Variants in SEZ6L observed in about 807,000 individuals in gnomAD.
SEZ6L encodes the protein seizure 6-like protein.
A neutral mutation model predicts 106.2 loss-of-function variants in SEZ6L; 37 were observed. The observed-to-expected ratio is 0.35, with a 90% CI of 0.27 to 0.46. The LOEUF is 0.46. Among genes scored for constraint, SEZ6L ranks in the 20% least tolerant of loss-of-function variants. The probability of loss-of-function intolerance (pLI) is 1.00; values close to 1 mark genes in which losing one functional copy is unlikely to be tolerated. For synonymous variants in SEZ6L, 541 were observed against 570.4 expected (o/e 0.95, Z 0.73); for missense variants, 1,172 against 1,332.8 (o/e 0.88, Z 1.88).
In SEZ6L at chr22:26,201,382, CAAAAAAAAAA is replaced by C. The variant is rs71192905; in HGVS notation, c.94+31632_94+31641del. Among the ~76,000 whole-genome samples, 81 of 75,314 alleles carry C rather than the reference CAAAAAAAAAA, an allele frequency of 1.1e-3. 1 individual carries two copies. The highest frequency in any genetic ancestry group is 3.7e-3 in the African/African-American group (65 of 17,644). 49.4% of individuals were successfully genotyped at this position (75,314 alleles called of 152,430 possible). ...CTAAAAATACAAAAATACAAAAATA[CAAAAAAAAAA>C]AAAAAAAAAAAAGAGGAAATTTGCC... is the stretch of plus-strand genomic sequence containing the variant. On this transcript the variant is annotated intron_variant, in intron 1 of 16. Transcript: ENST00000248933.
chr22:26,267,605 A>G (rs1292296968), intron 1 of SEZ6L, among the ~76,000 whole-genome samples: 10 of 152,174 alleles, frequency 6.6e-5, no homozygotes, highest in Non-Finnish European at 1.3e-4. Context: ...AGCTAAACAC[A>G]TTTTCTGTTT....
chr22:26,349,804 T>C (rs1205645782), intron 11 of SEZ6L, among the ~76,000 whole-genome samples: 1 of 152,234 alleles, frequency 6.6e-6, no homozygotes, highest in Non-Finnish European at 1.5e-5. Flanking sequence ...CTTACAAACT[T>C]CCTGCATCTG....
At chr22:26,232,231 C>A (rs938436928) in intron 1 of SEZ6L, among the ~76,000 whole-genome samples, 1 of 152,000 alleles carries the variant, frequency 6.6e-6, no homozygotes, top group Non-Finnish European at 1.5e-5. Flanking sequence ...CAGGAAAAGT[C>A]CTTACCCGAA....
At position 26,169,746 on chromosome 22, in the gene SEZ6L, C is replaced by T; in HGVS notation, c.77C>T (p.Ala26Val). ...CTCGCTCTGCTCCTGGGGAGCCCGG[C>T]GGCAGCGCTGGAGCGAGGTAAGCGC... ...LFLALLLGSP[A>V]AALERDALPE... Residue 26 changes from alanine to valine, a missense_variant, in exon 1 of 17, where the codon GCG becomes GTG. Coordinates refer to ENST00000248933, the MANE Select transcript of SEZ6L (RefSeq NM_021115.5). 7.9e-7 allele frequency: 1 copy of T among 1,259,984 alleles called. No homozygotes were observed. The highest frequency in any genetic ancestry group is 1.5e-5 in the African/African-American group (1 of 64,584). The allele number at this position is 1,259,984 out of a possible 1,614,324, so 78.1% of individuals were successfully genotyped here.
At chr22:26,334,100 C>CT (rs893851587) in intron 9 of SEZ6L, among the ~76,000 whole-genome samples, 6 of 151,860 alleles carry the variant, frequency 4.0e-5, no homozygotes. Flanking sequence ...TAAGATGTTT[C>CT]TTTTTTTTAA....
intron 12 of SEZ6L, among the ~76,000 whole-genome samples, chr22:26,361,438 C>T (rs1278710371): frequency 6.7e-6 from 1 of 149,264 alleles, no homozygotes; most frequent in Non-Finnish European, 1.5e-5. Flanking sequence ...ACCCAGGAGG[C>T]TGAGGTTGCA....
chr22:26,237,018 T>C lies in SEZ6L; in HGVS notation c.95-55388T>C, dbSNP rs990812077. Among the ~76,000 whole-genome samples, 5 of 152,110 alleles carry C rather than the reference T, an allele frequency of 3.3e-5. No homozygotes were observed. The East Asian group carries it at 9.6e-4, about 29-fold the overall frequency. ...CACTCCCAGAAGCTGCCACTGACCATCCAGGCTGGGCTAGCTGCCAGGGAG... is the reference window on the plus strand; with the variant it reads ...CACTCCCAGAAGCTGCCACTGACCACCCAGGCTGGGCTAGCTGCCAGGGAG... On this transcript the variant is annotated intron_variant, in intron 1 of 16. Coordinates refer to ENST00000248933, the MANE Select transcript of SEZ6L (RefSeq NM_021115.5).
At chr22:26,245,385 C>G (rs1435682471) in intron 1 of SEZ6L, among the ~76,000 whole-genome samples, 1 of 152,074 alleles carries the variant, frequency 6.6e-6, no homozygotes, top group Non-Finnish European at 1.5e-5. Flanking sequence ...GGTGCAGGCT[C>G]CCAGGCAGCC....
chr22:26,216,026 G>T lies in SEZ6L; in HGVS notation c.94+46263G>T, dbSNP rs148716693. Among the ~76,000 whole-genome samples the T allele has an allele frequency of 3.2e-3, 483 of 152,304 alleles. 12 individuals carry two copies. In the South Asian group the frequency reaches 0.061, roughly 19 times the overall value. On this transcript the variant is annotated intron_variant, in intron 1 of 16. Coordinates refer to ENST00000248933, the MANE Select transcript of SEZ6L (RefSeq NM_021115.5). ...GCACTAGGTGAAGCCACGGAAATTG[G>T]ATTTGAGTGATTCCCATCTTCCTCT... is the stretch of plus-strand genomic sequence containing the variant.
chr22:26,185,616 GGATGATTC>G (rs1246426383), intron 1 of SEZ6L, among the ~76,000 whole-genome samples: 2 of 152,122 alleles, frequency 1.3e-5, no homozygotes, highest in Admixed American at 1.3e-4. Context: ...AACTTCACCT[GGATGATTC>G]GACCCCCAAG....
At chr22:26,314,809 CT>C (rs932852691) in intron 9 of SEZ6L, among the ~76,000 whole-genome samples, 5 of 152,180 alleles carry the variant, frequency 3.3e-5, no homozygotes, top group East Asian at 1.9e-4. Context: ...AGAACCCCCC[CT>C]GGGAGGTCAT....
intron 11 of SEZ6L, among the ~76,000 whole-genome samples, chr22:26,348,311 T>C (rs1267341647): frequency 2.6e-5 from 4 of 151,778 alleles, no homozygotes; most frequent in Admixed American, 1.3e-4. Context: ...GCCTGGGCAA[T>C]ACAGTGAGAC....
Position 26,268,872 on chromosome 22 carries a change from CT to C in SEZ6L, c.95-23533del, listed in dbSNP as rs373567905. ...GAAAATTTCAGAAAGCAAGATGTGT[CT>C]GAAGAAGGGTTAGGGAATAAATACT... On this transcript the variant is annotated intron_variant, in intron 1 of 16. Transcript: ENST00000248933. Among the ~76,000 whole-genome samples, 861 of 152,276 alleles carry C rather than the reference CT, an allele frequency of 5.7e-3. 3 individuals carry two copies. Among genetic ancestry groups the C allele is most frequent in the South Asian group, 8.7e-3 (42 of 4,818 alleles).
intron 1 of SEZ6L, among the ~76,000 whole-genome samples, chr22:26,275,652 T>C (rs893857166): frequency 1.3e-5 from 2 of 152,310 alleles, no homozygotes; most frequent in African/African-American, 4.8e-5. Flanking sequence ...AGGCCTCAGT[T>C]TGCCCATCTG....
At chr22:26,210,813 T>G (rs562835876) in intron 1 of SEZ6L, among the ~76,000 whole-genome samples, 21 of 152,170 alleles carry the variant, frequency 1.4e-4, no homozygotes, top group Non-Finnish European at 2.7e-4. Context: ...GGAAATATTT[T>G]GTAACACTTT....
At chr22:26,222,923 C>G (rs1312157173) in intron 1 of SEZ6L, among the ~76,000 whole-genome samples, 1 of 151,678 alleles carries the variant, frequency 6.6e-6, no homozygotes, top group African/African-American at 2.4e-5. Flanking sequence ...TTGCTACCGG[C>G]ATCTACTGTG....
intron 9 of SEZ6L, among the ~76,000 whole-genome samples, chr22:26,339,644 A>G (rs745869740): frequency 6.6e-6 from 1 of 152,234 alleles, no homozygotes; most frequent in African/African-American, 2.4e-5. Flanking sequence ...CCCCTTAAAC[A>G]TAATGGATCA....
chr22:26,265,777 T>A (rs2080156682), intron 1 of SEZ6L, among the ~76,000 whole-genome samples: 1 of 152,184 alleles, frequency 6.6e-6, no homozygotes, highest in Non-Finnish European at 1.5e-5. Context: ...GGGTTTGTGG[T>A]CGGTGGCAAG....
intron 9 of SEZ6L, among the ~76,000 whole-genome samples, chr22:26,322,321 C>T (rs1045847285): frequency 2.6e-5 from 4 of 152,170 alleles, no homozygotes; most frequent in African/African-American, 9.6e-5. Context: ...CCGTAGCCTC[C>T]ACTTCCACTG....
Sources: allele counts gnomAD v4.1 joint callset (sites outside exome capture counted in the v4.1 genomes callset), GRCh38; gene constraint gnomAD v4.1.1; transcripts MANE v1.5; gene names NCBI Gene and HGNC (gene_info 2026-07-23, HGNC 2026-07-21).